Variants in TAS2R1 observed in about 807,000 individuals in gnomAD.
The protein encoded by TAS2R1 is taste 2 receptor member 1.
For missense variants in TAS2R1, 370 were observed against 353.4 expected, an observed-to-expected ratio of 1.05 and a Z score of -0.38; for synonymous variants, 141 against 134.2, an observed-to-expected ratio of 1.05 and a Z score of -0.35.
chr5:9,841,388 C>T, the TAS2R1 span, among the ~76,000 whole-genome samples: 272 of 152,310 alleles, frequency 1.8e-3, 2 homozygotes, highest in South Asian at 6.4e-3. Flanking sequence ...TACTTACATA[C>T]ATTCAGCATT....
the TAS2R1 span, among the ~76,000 whole-genome samples, chr5:9,900,418 G>A: frequency 6.6e-6 from 1 of 152,046 alleles, no homozygotes; most frequent in Non-Finnish European, 1.5e-5. Flanking sequence ...TTCTCTTATG[G>A]ATTAAATGTT....
the TAS2R1 span, among the ~76,000 whole-genome samples, chr5:9,789,593 G>A: frequency 6.6e-6 from 1 of 152,188 alleles, no homozygotes; most frequent in Non-Finnish European, 1.5e-5. Flanking sequence ...AGGTATAGCA[G>A]GATCCCTCCA....
At chr5:9,687,826 T>C (rs1447300478) in intron 1 of TAS2R1, among the ~76,000 whole-genome samples, 1 of 152,206 alleles carries the variant, frequency 6.6e-6, no homozygotes, top group Admixed American at 6.5e-5. Context: ...CATTTCCCTT[T>C]CCCATAACCT....
chr5:9,715,033 C>T (rs951195194), upstream of TAS2R1, among the ~76,000 whole-genome samples: 6 of 152,148 alleles, frequency 3.9e-5, no homozygotes, highest in Non-Finnish European at 5.9e-5. Context: ...CTAGGGTGCT[C>T]GTCCACTCTT....
chr5:9,777,081 C>T, the TAS2R1 span, among the ~76,000 whole-genome samples: 67 of 152,250 alleles, frequency 4.4e-4, no homozygotes, highest in African/African-American at 1.5e-3. Flanking sequence ...ATGTTGATGG[C>T]TGTTGATTGA....
chr5:9,711,720 C>T (rs762158252), intron 1 of TAS2R1, among the ~76,000 whole-genome samples: 9 of 152,058 alleles, frequency 5.9e-5, no homozygotes, highest in African/African-American at 2.2e-4. Flanking sequence ...CAGGCTGGAG[C>T]GCAGTGGTGC....
the TAS2R1 span, among the ~76,000 whole-genome samples, chr5:9,903,000 G>T: frequency 6.6e-6 from 1 of 152,094 alleles, no homozygotes; most frequent in East Asian, 1.9e-4. Context: ...GTGTACATGA[G>T]ATGTTTTGAT....
chr5:9,807,867 A>C, the TAS2R1 span, among the ~76,000 whole-genome samples: 4 of 152,056 alleles, frequency 2.6e-5, no homozygotes, highest in Non-Finnish European at 4.4e-5. Flanking sequence ...TATTGAAATA[A>C]AAATAAAACA....
At chr5:9,716,979 T>C (rs1734825769), upstream of TAS2R1, among the ~76,000 whole-genome samples, 1 of 152,094 alleles carries the variant, frequency 6.6e-6, no homozygotes, top group African/African-American at 2.4e-5. Flanking sequence ...AACCTTCAAA[T>C]TGCCTGAAAG....
chr5:9,881,953 G>T, the TAS2R1 span, among the ~76,000 whole-genome samples: 1 of 152,188 alleles, frequency 6.6e-6, no homozygotes, highest in African/African-American at 2.4e-5. Flanking sequence ...CATAGGCAAA[G>T]ATTTTGTGAC....
At chr5:9,876,724 T>C in the TAS2R1 span, among the ~76,000 whole-genome samples, 2 of 152,212 alleles carry the variant, frequency 1.3e-5, no homozygotes, top group Admixed American at 6.5e-5. Flanking sequence ...GACTTCTTAA[T>C]TTTAAAAATT....
intron 1 of TAS2R1, among the ~76,000 whole-genome samples, chr5:9,684,003 A>G (rs1741078930): frequency 6.6e-6 from 1 of 152,142 alleles, no homozygotes; most frequent in South Asian, 2.1e-4. Flanking sequence ...ATAGGAGAAG[A>G]CCAGGTCTGG....
the TAS2R1 span, among the ~76,000 whole-genome samples, chr5:9,835,888 A>C: frequency 6.6e-6 from 1 of 152,166 alleles, no homozygotes; most frequent in African/African-American, 2.4e-5. Context: ...AAACCCTATA[A>C]ATGTTTGTTA....
intron 1 of TAS2R1, among the ~76,000 whole-genome samples, chr5:9,670,295 AG>A (rs1205368096): frequency 6.6e-6 from 1 of 152,206 alleles, no homozygotes; most frequent in African/African-American, 2.4e-5. Flanking sequence ...TTTGGCCTAA[AG>A]GGTTCTCTGT....
chr5:9,719,780 T>C, the TAS2R1 span, among the ~76,000 whole-genome samples: 4 of 122,900 alleles, frequency 3.3e-5, no homozygotes, highest in Non-Finnish European at 5.9e-5. Context: ...TAGCCGGGCG[T>C]GGTGGCGGGC....
At chr5:9,793,732 G>A in the TAS2R1 span, among the ~76,000 whole-genome samples, 1 of 152,296 alleles carries the variant, frequency 6.6e-6, no homozygotes, top group East Asian at 1.9e-4. Flanking sequence ...CAGGGAATGA[G>A]AAGCTGTGAA....
chr5:9,770,802 G>T, the TAS2R1 span, among the ~76,000 whole-genome samples: 1 of 152,034 alleles, frequency 6.6e-6, no homozygotes, highest in Non-Finnish European at 1.5e-5. Context: ...TTTTTTGGTG[G>T]ACTCGTTAGG....
chr5:9,874,357 C>T, the TAS2R1 span, among the ~76,000 whole-genome samples: 1 of 152,068 alleles, frequency 6.6e-6, no homozygotes, highest in Admixed American at 6.5e-5. Flanking sequence ...TTTCAATGTC[C>T]TATATGGCAA....
the TAS2R1 span, among the ~76,000 whole-genome samples, chr5:9,894,061 G>A: frequency 6.6e-6 from 1 of 152,186 alleles, no homozygotes; most frequent in Non-Finnish European, 1.5e-5. Flanking sequence ...AAGTTAAAAT[G>A]AGGTCTTTCC....
Sources: allele counts gnomAD v4.1 joint callset (sites outside exome capture counted in the v4.1 genomes callset), GRCh38; gene constraint gnomAD v4.1.1; transcripts MANE v1.5; gene names NCBI Gene and HGNC (gene_info 2026-07-23, HGNC 2026-07-21).